Variants in TNS1 observed in about 807,000 individuals in gnomAD.
The protein encoded by TNS1 is tensin-1.
In TNS1, 62 loss-of-function variants were observed where a neutral mutation model predicts 168.6. The observed-to-expected ratio is 0.37, with a 90% confidence interval of 0.30 to 0.45. TNS1 has a LOEUF of 0.45. Ranked by LOEUF, TNS1 falls within the 20% of genes least tolerant of loss-of-function variation. TNS1 has a pLI of 1.00. For synonymous variants in TNS1, 934 were observed against 933.2 expected (o/e 1.00, Z -0.02); for missense variants, 2,240 against 2,339.4 (o/e 0.96, Z 0.88).
chr2:217,875,409 C>T (rs1950125936), intron 18 of TNS1, among the ~76,000 whole-genome samples: 1 of 152,108 alleles, frequency 6.6e-6, no homozygotes, highest in African/African-American at 2.4e-5. Flanking sequence ...CTTCACAAGT[C>T]ATGAAAAGAC....
At chr2:217,904,085 A>G (rs1953363239) in intron 6 of TNS1, among the ~76,000 whole-genome samples, 1 of 152,170 alleles carries the variant, frequency 6.6e-6, no homozygotes, top group African/African-American at 2.4e-5. Flanking sequence ...ATTGGTGACC[A>G]ACCTACGTCA....
intron 2 of TNS1, among the ~76,000 whole-genome samples, chr2:217,980,092 T>C: frequency 6.6e-6 from 1 of 152,030 alleles, no homozygotes; most frequent in East Asian, 1.9e-4. Context: ...GCACACTGGG[T>C]GGTGCCTGGA....
chr2:217,898,000 T>C (rs746863481), intron 7 of TNS1, 31 bp from the exon 8 acceptor site: 8 of 1,570,956 alleles, frequency 5.1e-6, no homozygotes, highest in Non-Finnish European at 6.9e-6. Flanking sequence ...GGAGGGTCCA[T>C]ATCAGAATCC....
chr2:217,901,730 GA>G (rs1953004501), intron 6 of TNS1: 1 of 152,224 alleles, frequency 6.6e-6, no homozygotes, highest in Admixed American at 6.5e-5. Context: ...CTGGGAAGTT[GA>G]CGGCCAGGCA....
rs570057667 is a variant in TNS1, at chr2:218,017,925, A to C, written c.156+15895T>G. Reference sequence around the variant, plus strand: ...CCAGAGCACACTGTCTGGAACACACAGTTCACACCACTGTCCAGGGAATGA... The same window carrying C: ...CCAGAGCACACTGTCTGGAACACACCGTTCACACCACTGTCCAGGGAATGA... On this transcript the variant is annotated intron_variant, in intron 1 of 1. Transcript: ENST00000649572. 5.3e-5 allele frequency among the ~76,000 whole-genome samples: 8 copies of C among 152,318 alleles called. No homozygotes were observed. In the South Asian group the frequency reaches 1.7e-3, roughly 32 times the overall value.
intron 3 of TNS1, 30 bp downstream of exon 3, chr2:217,978,735 T>G: frequency 1.4e-6 from 1 of 701,386 alleles, no homozygotes. Context: ...TCCCAAGTCC[T>G]CCCGGGCCCG....
At chr2:217,936,946 G>T (rs1461940929) in intron 3 of TNS1, 3 of 456,554 alleles carry the variant, frequency 6.6e-6, no homozygotes, top group African/African-American at 2.0e-5. Context: ...GAGCTGGGAG[G>T]GAGACCCACG....
intron 18 of TNS1, among the ~76,000 whole-genome samples, chr2:217,851,468 CA>C (rs1289534808): frequency 5.9e-4 from 90 of 151,326 alleles, no homozygotes; most frequent in African/African-American, 2.0e-3. Context: ...CACACACACA[CA>C]CACACCCCAG....
Position 217,861,565 on chromosome 2 carries a change from G to C in TNS1, c.1430-12478C>G, listed in dbSNP as rs144946765. Among the ~76,000 whole-genome samples, 212 of 152,296 alleles carry C rather than the reference G, an allele frequency of 1.4e-3. 4 individuals carry two copies. The highest frequency in any genetic ancestry group is 4.9e-3 in the African/African-American group (203 of 41,554). On this transcript the variant is annotated intron_variant, in intron 18 of 32. Coordinates refer to ENST00000682258, the MANE Select transcript of TNS1 (RefSeq NM_001387777.1). ...GGCCCTTCTCATTCTCATCACTTCAGCATCTGCCAGGTTAAGAACATGGAC... is the reference window on the plus strand; with the variant it reads ...GGCCCTTCTCATTCTCATCACTTCACCATCTGCCAGGTTAAGAACATGGAC...
At chr2:217,870,180 T>A (rs1949650264) in intron 18 of TNS1, among the ~76,000 whole-genome samples, 1 of 152,232 alleles carries the variant, frequency 6.6e-6, no homozygotes, top group Non-Finnish European at 1.5e-5. Flanking sequence ...CTGATCATAA[T>A]CATCCCCAGA....
intron 3 of TNS1, among the ~76,000 whole-genome samples, chr2:217,969,203 T>G (rs1052832478): frequency 6.6e-6 from 1 of 152,206 alleles, no homozygotes; most frequent in African/African-American, 2.4e-5. Context: ...ATACTAATGA[T>G]GCCAAGATCA....
At chr2:217,930,063 T>A (rs968101589) in intron 3 of TNS1, among the ~76,000 whole-genome samples, 1 of 152,218 alleles carries the variant, frequency 6.6e-6, no homozygotes. Context: ...GGGACCTGGC[T>A]ATGCCTCCCT....
At chr2:217,834,588 G>T (rs1944908380) in intron 21 of TNS1, among the ~76,000 whole-genome samples, 1 of 152,302 alleles carries the variant, frequency 6.6e-6, no homozygotes, top group East Asian at 1.9e-4. Context: ...AAATGCCTCT[G>T]CCTGGAGGCC....
intron 12 of TNS1, among the ~76,000 whole-genome samples, chr2:217,887,450 A>G (rs1398519668): frequency 6.6e-6 from 1 of 152,200 alleles, no homozygotes; most frequent in Non-Finnish European, 1.5e-5. Context: ...CTGGGATTAC[A>G]GGCATGCGCC....
intron 18 of TNS1, among the ~76,000 whole-genome samples, chr2:217,857,166 C>T (rs1345156537): frequency 6.6e-6 from 1 of 152,200 alleles, no homozygotes; most frequent in Non-Finnish European, 1.5e-5. Context: ...GCTCCAGGCC[C>T]TCTGGGGGAC....
At chr2:217,927,915 C>T (rs1956117930) in intron 3 of TNS1, among the ~76,000 whole-genome samples, 2 of 152,192 alleles carry the variant, frequency 1.3e-5, no homozygotes, top group Admixed American at 1.3e-4. Context: ...AGACAATAAT[C>T]CCAGAAGGCC....
intron 3 of TNS1, among the ~76,000 whole-genome samples, chr2:217,940,486 G>A (rs1402185481): frequency 6.6e-6 from 1 of 152,164 alleles, no homozygotes; most frequent in African/African-American, 2.4e-5. Context: ...GCACACTCAG[G>A]TCTCCCGATC....
At chr2:218,020,630 GGAA>G (rs1958799309) in intron 1 of TNS1, among the ~76,000 whole-genome samples, 2 of 152,126 alleles carry the variant, frequency 1.3e-5, no homozygotes, top group African/African-American at 2.4e-5. Context: ...GGTAGAATAT[GGAA>G]GAAGAACTTC....
intron 3 of TNS1, among the ~76,000 whole-genome samples, chr2:217,930,740 T>A (rs1376174334): frequency 6.6e-6 from 1 of 152,044 alleles, no homozygotes; most frequent in Non-Finnish European, 1.5e-5. Context: ...GCCGGAGGAC[T>A]AGGGGGAAGC....
Sources: allele counts gnomAD v4.1 joint callset (sites outside exome capture counted in the v4.1 genomes callset), GRCh38; gene constraint gnomAD v4.1.1; transcripts MANE v1.5; gene names NCBI Gene and HGNC (gene_info 2026-07-23, HGNC 2026-07-21).